The following AGBL4 variants were observed in gnomAD, a reference collection of about 807,000 sequenced individuals.
The protein encoded by AGBL4 is AGBL carboxypeptidase 4, also known as cytosolic carboxypeptidase 6.
A neutral mutation model predicts 66.4 loss-of-function variants in AGBL4; 58 were observed. The observed-to-expected ratio is 0.87, with a 90% CI of 0.71 to 1.09. AGBL4 has a LOEUF of 1.09. Ranked by LOEUF, AGBL4 falls within the 50% of genes least tolerant of loss-of-function variation. The pLI is 0.00. For synonymous variants in AGBL4, 234 were observed against 222.9 expected, an observed-to-expected ratio of 1.05 and a Z score of -0.44; for missense variants, 579 against 631.0, an observed-to-expected ratio of 0.92 and a Z score of 0.88.
chr1:48,864,820 C>T (rs1369620750), intron 6 of AGBL4, among the ~76,000 whole-genome samples: 1 of 151,994 alleles, frequency 6.6e-6, no homozygotes, highest in African/African-American at 2.4e-5. Flanking sequence ...GTCTCAGTTA[C>T]ATTTATAATT....
chr1:48,760,246 G>A (rs1644183879), intron 6 of AGBL4, among the ~76,000 whole-genome samples: 1 of 152,194 alleles, frequency 6.6e-6, no homozygotes, highest in Admixed American at 6.5e-5. Flanking sequence ...CTTCTACTGA[G>A]GGGCAGTGAG....
At chr1:49,074,380 C>T (rs376012042) in intron 4 of AGBL4, among the ~76,000 whole-genome samples, 2 of 152,218 alleles carry the variant, frequency 1.3e-5, no homozygotes, top group East Asian at 1.9e-4. Flanking sequence ...TGCTTCGGCT[C>T]ACCCTCCATG....
intron 4 of AGBL4, among the ~76,000 whole-genome samples, chr1:49,175,346 G>C (rs1313646089): frequency 6.6e-6 from 1 of 151,898 alleles, no homozygotes; most frequent in Non-Finnish European, 1.5e-5. Context: ...GGAAGGGATG[G>C]ACTGAAAAGA....
chr1:49,347,409 G>A (rs530103617), intron 3 of AGBL4, among the ~76,000 whole-genome samples: 19 of 151,586 alleles, frequency 1.3e-4, no homozygotes, highest in Non-Finnish European at 1.8e-4. Context: ...ACAACACCAC[G>A]CCCAGCTAAT....
chr1:49,858,921 C>A (rs1222742175), intron 1 of AGBL4, among the ~76,000 whole-genome samples: 1 of 151,646 alleles, frequency 6.6e-6, no homozygotes, highest in Non-Finnish European at 1.5e-5. Flanking sequence ...GAGGATGAAG[C>A]ACAAGAATCA....
intron 4 of AGBL4, among the ~76,000 whole-genome samples, chr1:49,229,877 AG>A (rs1368065057): frequency 1.3e-5 from 2 of 151,858 alleles, no homozygotes; most frequent in African/African-American, 4.8e-5. Flanking sequence ...AACTAAAGGC[AG>A]GTGTGTAGGG....
chr1:49,991,550 T>C (rs539193153), intron 1 of AGBL4, among the ~76,000 whole-genome samples: 1 of 152,296 alleles, frequency 6.6e-6, no homozygotes, highest in South Asian at 2.1e-4. Flanking sequence ...TAATCAACCA[T>C]ACACACTTTC....
intron 3 of AGBL4, among the ~76,000 whole-genome samples, chr1:49,502,352 A>G (rs964399566): frequency 1.4e-4 from 22 of 152,108 alleles, no homozygotes; most frequent in Non-Finnish European, 2.9e-5. Flanking sequence ...TCCTCTTCAT[A>G]TATTCATCTA....
intron 3 of AGBL4, among the ~76,000 whole-genome samples, chr1:49,326,257 T>G (rs751932180): frequency 4.6e-5 from 7 of 152,208 alleles, no homozygotes; most frequent in Non-Finnish European, 1.0e-4. Flanking sequence ...TTTCTAGGTT[T>G]TTAAAAAAAT....
At chr1:49,044,902 A>C (rs1644040155) in intron 5 of AGBL4, among the ~76,000 whole-genome samples, 1 of 152,144 alleles carries the variant, frequency 6.6e-6, no homozygotes, top group Admixed American at 6.6e-5. Context: ...ACTTTAACCT[A>C]GTGAGACTCA....
chr1:49,478,383 T>A (rs1646887634), intron 3 of AGBL4, among the ~76,000 whole-genome samples: 1 of 151,934 alleles, frequency 6.6e-6, no homozygotes, highest in South Asian at 2.1e-4. Context: ...GGAATTCCAA[T>A]ATGTCTAGCA....
At chr1:49,208,548 T>C (rs1416939475) in intron 4 of AGBL4, among the ~76,000 whole-genome samples, 1 of 152,058 alleles carries the variant, frequency 6.6e-6, no homozygotes, top group African/African-American at 2.4e-5. Flanking sequence ...CAGCTGCCCC[T>C]TCTGTGGACA....
chr1:49,759,739 A>G (rs1298684351), intron 2 of AGBL4, among the ~76,000 whole-genome samples: 1 of 152,198 alleles, frequency 6.6e-6, no homozygotes, highest in Non-Finnish European at 1.5e-5. Flanking sequence ...GGATAAACAA[A>G]ATGAGGTATA....
At chr1:49,718,954 C>G (rs1030141486) in intron 2 of AGBL4, among the ~76,000 whole-genome samples, 1 of 152,080 alleles carries the variant, frequency 6.6e-6, no homozygotes, top group Non-Finnish European at 1.5e-5. Flanking sequence ...TATCTGAAAA[C>G]TATCTTAAGT....
rs74366790 is a variant in AGBL4 at position 49,686,694 on chromosome 1, T to C, written c.282+10619A>G. Among the ~76,000 whole-genome samples the C allele has an allele frequency of 0.01, 1,580 of 152,298 alleles. 45 individuals carry two copies. In the East Asian group the frequency reaches 0.12, roughly 11 times the overall value. The stretch of plus-strand genomic sequence containing the variant: ...ATTCCTGAATGCCTAGAGCAGTATC[T>C]GGCACACACAATAAGTATTTATTGA... On this transcript the variant is annotated intron_variant, in intron 3 of 13. Transcript: ENST00000371839.
At chr1:49,224,779 T>C (rs1649777542) in intron 4 of AGBL4, among the ~76,000 whole-genome samples, 1 of 152,302 alleles carries the variant, frequency 6.6e-6, no homozygotes, top group South Asian at 2.1e-4. Context: ...ACACAGTCTC[T>C]ACTCTTTAGG....
At chr1:49,843,706 T>C (rs1383120228) in intron 2 of AGBL4, among the ~76,000 whole-genome samples, 1 of 152,216 alleles carries the variant, frequency 6.6e-6, no homozygotes, top group Non-Finnish European at 1.5e-5. Flanking sequence ...ATACAGGTTC[T>C]ATGGTTAAGA....
At chr1:48,758,124 C>T (rs1390633944) in intron 6 of AGBL4, among the ~76,000 whole-genome samples, 1 of 152,166 alleles carries the variant, frequency 6.6e-6, no homozygotes, top group Non-Finnish European at 1.5e-5. Context: ...AATATAAGAA[C>T]CTATTAAGTT....
chr1:49,809,082 C>G (rs1178729783), intron 2 of AGBL4, among the ~76,000 whole-genome samples: 1 of 152,100 alleles, frequency 6.6e-6, no homozygotes, highest in Non-Finnish European at 1.5e-5. Context: ...TTGAATAATA[C>G]TATTAAATAT....
Sources: gnomAD v4.1 joint callset for allele counts (sites outside exome capture counted in the v4.1 genomes callset) on GRCh38, gnomAD v4.1.1 for gene constraint, MANE v1.5 for transcripts, NCBI Gene and HGNC (gene_info 2026-07-23, HGNC 2026-07-21) for gene names.